NBPF19: variants seen among roughly 807,000 people sequenced by gnomAD.
NBPF19 encodes the protein NBPF family member NBPF19.
NBPF19 carries 30 observed loss-of-function variants against 45.9 expected under a neutral mutation model. The ratio of observed to expected loss-of-function variants is 0.65; its 90% CI spans 0.49 to 0.89. The LOEUF (loss-of-function observed/expected upper bound fraction) is 0.89. Ranked by LOEUF, NBPF19 falls within the 40% of genes least tolerant of loss-of-function variation. NBPF19 has a pLI of 0.00. For missense variants in NBPF19, 495 were observed against 471.8 expected, an observed-to-expected ratio of 1.05 and a Z score of -0.46; for synonymous variants, 183 against 181.2, an observed-to-expected ratio of 1.01 and a Z score of -0.08.
At position 149,487,273 on chromosome 1, in the gene NBPF19, A is replaced by C; in HGVS notation, c.989-59A>C. 3 of 1,242,446 alleles carry C rather than the reference A, an allele frequency of 2.4e-6. 1 individual carries two copies. The allele number at this position is 1,242,446 out of a possible 1,614,324, so 77.0% of individuals were successfully genotyped here. On this transcript the variant is annotated intron_variant, in intron 8 of 93. Coordinates refer to ENST00000651566, the MANE Select transcript of NBPF19 (RefSeq NM_001351365.2). ...CCCTGTGTTAGGATTGGACAGAGGA[A>C]TGTTTCTGTGTGCAAGGAAGAACTT...
At chr1:149,528,726 C>T (rs1240660041) in intron 61 of NBPF19, among the ~76,000 whole-genome samples, 179 bp downstream of exon 61, 1 of 116,864 alleles carries the variant, frequency 8.6e-6, no homozygotes, top group Non-Finnish European at 1.8e-5. Context: ...TTCTTCCTCC[C>T]CTTATCATTT....
rs1456357329 is a variant in NBPF19 at position 149,554,793 on chromosome 1, G to C, written c.*55G>C. 1.8e-5 allele frequency: 29 copies of C among 1,605,058 alleles called. 1 individual carries two copies. Among genetic ancestry groups the C allele is most frequent in the South Asian group, 3.3e-5 (3 of 90,758 alleles). ...TCCTGCAGGCAGGACCTATAGGCACGTGAAGATTTGAATGAAACTACAGTT... is the reference window on the plus strand; with the variant it reads ...TCCTGCAGGCAGGACCTATAGGCACCTGAAGATTTGAATGAAACTACAGTT... On this transcript the variant is annotated 3_prime_UTR_variant, in exon 94 of 94. Transcript: ENST00000651566.
chr1:149,487,804 TG>T, intron 9 of NBPF19, among the ~76,000 whole-genome samples: 5 of 148,096 alleles, frequency 3.4e-5, no homozygotes, highest in African/African-American at 1.3e-4. Flanking sequence ...TGTGTGTGTG[TG>T]TGTGTGTGTG....
Position 149,480,171 on chromosome 1 carries a change from C to T in NBPF19, c.523C>T (p.Gln175Ter). Residue 175 changes from glutamine to a stop codon, truncating the protein, a stop_gained, in exon 5 of 94, where the codon CAA becomes TAA. Coordinates refer to ENST00000651566, the MANE Select transcript of NBPF19 (RefSeq NM_001351365.2). LOFTEE classifies it high-confidence loss of function. ...TGACAACGATGACGATGAAGATGTT[C>T]AAGTTGAGGTGGCTGAGAAAGTGCA... ...ENDNDDDEDVQVEVAEKVQKS... is the reference protein window; with the variant it reads ...ENDNDDDEDV The T allele has an allele frequency of 1.3e-6, 1 of 754,906 alleles. No homozygotes were observed. Among genetic ancestry groups the T allele is most frequent in the Non-Finnish European group, 2.3e-6 (1 of 426,882 alleles). The allele number at this position is 754,906 out of a possible 1,614,324, so 46.8% of individuals were successfully genotyped here. A position where few individuals can be genotyped will look rare whatever the true frequency, so the allele number is the denominator to read the frequency against.
At chr1:149,494,241 T>G in intron 17 of NBPF19, 77 bp from the exon 18 acceptor site, 1 of 239,062 alleles carries the variant, frequency 4.2e-6, no homozygotes, top group Non-Finnish European at 7.3e-6. Flanking sequence ...TTCCTTATGT[T>G]AGCCATGAAA....
rs1175458565 is a variant in NBPF19 at position 149,487,726 on chromosome 1, C to G, written c.1041-287C>G. The stretch of plus-strand genomic sequence containing the variant: ...CCTGAGAGCACAAATACAGAGTGTC[C>G]TTTGACTCCCTCATCAGTGTGTCAC... On this transcript the variant is annotated intron_variant, in intron 9 of 93. Transcript: ENST00000651566. Among the ~76,000 whole-genome samples, 9 of 148,670 alleles carry G rather than the reference C, an allele frequency of 6.1e-5. No homozygotes were observed. The South Asian group carries it at 1.9e-3, about 32-fold the overall frequency.
In NBPF19 at chr1:149,521,013, G is replaced by A. The variant is rs1413641285; in HGVS notation, c.6165-306G>A. Among the ~76,000 whole-genome samples the A allele has an allele frequency of 4.1e-5, 2 of 48,828 alleles. 1 individual carries two copies. The highest frequency in any genetic ancestry group is 9.3e-5 in the Non-Finnish European group (2 of 21,580). 32.0% of individuals were successfully genotyped at this position (48,828 alleles called of 152,430 possible). Reference sequence around the variant, plus strand: ...TGTGTCATGAGGGCACTAACTCAGAGTGTCCTTTTACTCCCTTACCAGTAT... The same window carrying A: ...TGTGTCATGAGGGCACTAACTCAGAATGTCCTTTTACTCCCTTACCAGTAT... On this transcript the variant is annotated intron_variant, in intron 51 of 93. Coordinates refer to ENST00000651566, the MANE Select transcript of NBPF19 (RefSeq NM_001351365.2).
chr1:149,481,473 A>ATTT (rs1190866284), intron 6 of NBPF19, among the ~76,000 whole-genome samples: 811 of 66,478 alleles, frequency 0.012, 1 homozygote, highest in African/African-American at 0.025. Flanking sequence ...AGCATCGTGG[A>ATTT]TTTTTTTTTT....
chr1:149,478,529 T>G (rs1220262841), intron 3 of NBPF19, among the ~76,000 whole-genome samples: 1 of 151,292 alleles, frequency 6.6e-6, no homozygotes, highest in Non-Finnish European at 1.5e-5. Context: ...TTGTATTTAG[T>G]GGCCGCAAGA....
Position 149,487,491 on chromosome 1 carries a change from G to A in NBPF19, c.1040+108G>A, listed in dbSNP as rs1421481701. 1.2e-5 allele frequency: 12 copies of A among 999,966 alleles called. 1 individual carries two copies. In the East Asian group the frequency reaches 2.6e-4, roughly 22 times the overall value. 61.9% of individuals were successfully genotyped at this position (999,966 alleles called of 1,614,324 possible). On this transcript the variant is annotated intron_variant, in intron 9 of 93. Transcript: ENST00000651566. ...ATAATGATTTTGTCTTGTCAGACAA[G>A]TCTGAATTATGCCTAATACATTGCT...
At position 149,554,700 on chromosome 1, in the gene NBPF19, C is replaced by G; in HGVS notation, c.11494C>G (p.His3832Asp). The G allele has an allele frequency of 6.2e-7, 1 of 1,608,238 alleles. No homozygotes were observed. The highest frequency in any genetic ancestry group is 8.5e-7 in the Non-Finnish European group (1 of 1,176,702). Residue 3832 changes from histidine to aspartate, a missense_variant, in exon 94 of 94, where the codon CAT (histidine) becomes GAT (aspartate). His to Asp is a moderately conservative substitution (Grantham distance 81). Coordinates refer to ENST00000651566, the MANE Select transcript of NBPF19 (RefSeq NM_001351365.2). Reference protein sequence around the residue: ...RFFTLTVTSLHLVFQMLVIFP... With the variant: ...RFFTLTVTSLDLVFQMLVIFP... The stretch of plus-strand genomic sequence containing the variant: ...TTTTACTTTGACGGTGACAAGTCTC[C>G]ATCTGGTGTTCCAGATGTTAGTCAT...
intron 9 of NBPF19, among the ~76,000 whole-genome samples, chr1:149,487,732 C>A (rs1209599040): frequency 1.3e-5 from 2 of 149,176 alleles, no homozygotes; most frequent in Non-Finnish European, 3.0e-5. Context: ...TGTCCTTTGA[C>A]TCCCTCATCA....
At chr1:149,495,639 TTC>T (rs1189152628) in intron 19 of NBPF19, among the ~76,000 whole-genome samples, 18 of 47,962 alleles carry the variant, frequency 3.8e-4, no homozygotes, top group South Asian at 1.6e-3. Context: ...ACTGAGCTCG[TTC>T]TCTCTCTCTC....
chr1:149,478,116 G>A lies in NBPF19; in HGVS notation c.278+69G>A, dbSNP rs1459757426. 3.7e-4 allele frequency: 404 copies of A among 1,102,480 alleles called. 13 individuals are homozygous for A. Among genetic ancestry groups the A allele is most frequent in the East Asian group, 5.3e-4 (22 of 41,728 alleles). The allele number at this position is 1,102,480 out of a possible 1,614,324, so 68.3% of individuals were successfully genotyped here. On this transcript the variant is annotated intron_variant, in intron 3 of 93. Coordinates refer to ENST00000651566, the MANE Select transcript of NBPF19 (RefSeq NM_001351365.2). ...GATCTCTGAAGTACAGCAGCTCGGC[G>A]GGGAGAAATAAGAACGAAGCTGGGC... is the stretch of plus-strand genomic sequence containing the variant.
chr1:149,487,849 TG>T (rs1243349344), intron 9 of NBPF19, among the ~76,000 whole-genome samples, 163 bp from the exon 10 acceptor site: 1 of 149,214 alleles, frequency 6.7e-6, no homozygotes, highest in African/African-American at 2.5e-5. Flanking sequence ...CTTTTCTACC[TG>T]GCCCTAGTCT....
In NBPF19 at chr1:149,478,027, G is replaced by C. The variant is rs1156855009; in HGVS notation, c.258G>C (p.Leu86=). The C allele has an allele frequency of 3.5e-5, 54 of 1,563,374 alleles. 2 individuals carry two copies. The highest frequency in any genetic ancestry group is 6.6e-5 in the South Asian group (6 of 90,430). ...AGGAGGAGAAGCTTGCAGAGCAGCTGAAGCAAGCTGAGGAGCTCAGGTGAG... is the reference window on the plus strand; with the variant it reads ...AGGAGGAGAAGCTTGCAGAGCAGCTCAAGCAAGCTGAGGAGCTCAGGTGAG... ...QFKEEKLAEQ[L]KQAEELRQYK... The change falls in exon 3 of 94, where the codon CTG becomes CTC. Residue 86 remains leucine (L), a synonymous_variant. Transcript: ENST00000651566.
chr1:149,478,068 G>T, intron 3 of NBPF19, 21 bp downstream of exon 3: 1 of 1,566,152 alleles, frequency 6.4e-7, no homozygotes, highest in Non-Finnish European at 8.7e-7. Flanking sequence ...CCCGTGGGGG[G>T]AGGGCAGGCG....
rs1461367959 is a variant in NBPF19, at chr1:149,487,192, G to T, written c.989-140G>T. 38 of 793,626 alleles carry T rather than the reference G, an allele frequency of 4.8e-5. 2 individuals are homozygous for T. In the African/African-American group the frequency reaches 5.8e-4, roughly 12 times the overall value. 49.2% of individuals were successfully genotyped at this position (793,626 alleles called of 1,614,324 possible). On this transcript the variant is annotated intron_variant, in intron 8 of 93. Transcript: ENST00000651566. ...CAGTTTTCTCAAGACTTGACCTCAG[G>T]CCTACTGCAATATTTCTCTCAAAGT...
intron 2 of NBPF19, among the ~76,000 whole-genome samples, chr1:149,477,394 T>C (rs2084906925): frequency 6.6e-6 from 1 of 151,398 alleles, no homozygotes; most frequent in Admixed American, 6.6e-5. Context: ...TTTGGGCATA[T>C]TTCCTTCATG....
Sources: gnomAD v4.1 joint callset for allele counts (sites outside exome capture counted in the v4.1 genomes callset) on GRCh38, gnomAD v4.1.1 for gene constraint, MANE v1.5 for transcripts, NCBI Gene and HGNC (gene_info 2026-07-23, HGNC 2026-07-21) for gene names.